The following MORC1 variants were observed in gnomAD, a reference collection of about 807,000 sequenced individuals.
MORC1 encodes the protein MORC family CW-type zinc finger 1, also known as MORC family CW-type zinc finger protein 1.
In MORC1, 59 loss-of-function variants were observed where a neutral mutation model predicts 134.9. That is an observed-to-expected ratio of 0.44 (90% CI 0.35 to 0.54). The LOEUF (loss-of-function observed/expected upper bound fraction) is 0.54. Among genes scored for constraint, MORC1 ranks in the 20% least tolerant of loss-of-function variants. The pLI, the probability that MORC1 is intolerant of heterozygous loss-of-function variation, is 0.00. For missense variants in MORC1, 947 were observed against 1,134.5 expected (o/e 0.83, Z 2.37); for synonymous variants, 395 against 391.7 (o/e 1.01, Z -0.10).
chr3:109,105,202 G>A (rs919067347), intron 3 of MORC1, among the ~76,000 whole-genome samples: 3 of 152,098 alleles, frequency 2.0e-5, no homozygotes, highest in Non-Finnish European at 4.4e-5. Context: ...GGCCAACATA[G>A]TGAGACCTTA....
chr3:109,040,283 G>GA (rs915878326), intron 14 of MORC1, among the ~76,000 whole-genome samples: 1 of 149,298 alleles, frequency 6.7e-6, no homozygotes, highest in African/African-American at 2.5e-5. Context: ...AATTGTGCCT[G>GA]AAAAACACCT....
intron 19 of MORC1, 86 bp downstream of exon 19, chr3:109,004,984 A>C: frequency 6.4e-7 from 1 of 1,570,986 alleles, no homozygotes. Flanking sequence ...AAAGTGTCTT[A>C]AAATGTGAAA....
chr3:109,048,565 G>A (rs534519966), intron 14 of MORC1, among the ~76,000 whole-genome samples: 23 of 152,090 alleles, frequency 1.5e-4, no homozygotes, highest in Non-Finnish European at 1.6e-4. Flanking sequence ...TAGGGCTGCC[G>A]TGAAAAAATA....
intron 16 of MORC1, among the ~76,000 whole-genome samples, chr3:109,030,587 A>G (rs1260099667): frequency 6.6e-6 from 1 of 152,238 alleles, no homozygotes; most frequent in African/African-American, 2.4e-5. Context: ...GGTTAATATC[A>G]TGTCAGTATA....
At chr3:108,979,789 G>A in intron 23 of MORC1, 122 bp from the exon 24 acceptor site, 2 of 971,558 alleles carry the variant, frequency 2.1e-6, no homozygotes, top group Non-Finnish European at 2.9e-6. Context: ...TGCGTGTAAT[G>A]CCGAAAACTG....
At chr3:109,091,446 A>AAAATAAATAAAT (rs56865589) in intron 8 of MORC1, among the ~76,000 whole-genome samples, 4 of 146,942 alleles carry the variant, frequency 2.7e-5, no homozygotes, top group African/African-American at 1.0e-4. Flanking sequence ...TCCATCTAAA[A>AAAATAAATAAAT]AAATAAATAA....
intron 8 of MORC1, 93 bp downstream of exon 8, chr3:109,093,343 A>T: frequency 2.2e-6 from 2 of 905,712 alleles, no homozygotes; most frequent in Non-Finnish European, 3.5e-6. Flanking sequence ...CAGTGCTAAA[A>T]CCCAGTGACC....
chr3:109,102,029 T>C (rs983464654), intron 4 of MORC1, among the ~76,000 whole-genome samples: 5 of 152,182 alleles, frequency 3.3e-5, no homozygotes, highest in Non-Finnish European at 7.3e-5. Context: ...TGGACAACAC[T>C]ATGTCATGGT....
At chr3:109,098,911 A>T (rs540897950) in intron 6 of MORC1, among the ~76,000 whole-genome samples, 1 of 152,352 alleles carries the variant, frequency 6.6e-6, no homozygotes, top group Admixed American at 6.5e-5. Flanking sequence ...GTAATTAATA[A>T]AATGCCTCTG....
chr3:109,053,214 A>G (rs113323798), intron 14 of MORC1, among the ~76,000 whole-genome samples: 30 of 152,158 alleles, frequency 2.0e-4, no homozygotes, highest in African/African-American at 6.0e-4. Flanking sequence ...CAGTCTGGAG[A>G]TTTCTTTAAA....
chr3:109,068,319 T>C (rs1233955499), intron 9 of MORC1, among the ~76,000 whole-genome samples: 2 of 152,188 alleles, frequency 1.3e-5, no homozygotes, highest in Non-Finnish European at 2.9e-5. Flanking sequence ...TCAAACAGTA[T>C]ACACTGCACA....
At chr3:109,083,970 T>TA (rs141678234) in intron 8 of MORC1, among the ~76,000 whole-genome samples, 1,726 of 152,248 alleles carry the variant, frequency 0.011, 33 homozygotes, top group African/African-American at 0.038. Context: ...CCCTTTATGA[T>TA]AAAAACCCTT....
At chr3:109,110,723 T>C (rs777347743) in intron 3 of MORC1, 26 bp downstream of exon 3, 3 of 1,564,320 alleles carry the variant, frequency 1.9e-6, no homozygotes, top group Non-Finnish European at 2.6e-6. Flanking sequence ...TAGAAGAAAA[T>C]AAAAGAAGAA....
At chr3:109,012,863 CTCT>C (rs1161497614) in intron 17 of MORC1, among the ~76,000 whole-genome samples, 6 of 152,052 alleles carry the variant, frequency 3.9e-5, no homozygotes, top group Non-Finnish European at 7.4e-5. Flanking sequence ...AAACTTTTAC[CTCT>C]TCTTCTGTAA....
chr3:109,084,878 C>A (rs4425265), intron 8 of MORC1, among the ~76,000 whole-genome samples: 39 of 152,026 alleles, frequency 2.6e-4, no homozygotes, highest in African/African-American at 8.7e-4. Flanking sequence ...ACAAAGCCAT[C>A]AAAAATGTGC....
intron 27 of MORC1, among the ~76,000 whole-genome samples, chr3:108,960,022 C>T (rs1023689121): frequency 1.3e-5 from 2 of 152,074 alleles, no homozygotes; most frequent in East Asian, 1.9e-4. Context: ...ACTGAGGGGG[C>T]TATAGGACTA....
intron 27 of MORC1, among the ~76,000 whole-genome samples, chr3:108,959,388 T>C (rs1947020557): frequency 6.6e-6 from 1 of 152,214 alleles, no homozygotes; most frequent in Admixed American, 6.5e-5. Context: ...ACTTGCTATA[T>C]TCCTAAAGCC....
At chr3:108,988,749 A>G (rs1346054098) in intron 21 of MORC1, among the ~76,000 whole-genome samples, 1 of 152,182 alleles carries the variant, frequency 6.6e-6, no homozygotes, top group Non-Finnish European at 1.5e-5. Context: ...AAACAAGATG[A>G]AAGTATCCAA....
In MORC1 at chr3:109,087,863, T is replaced by G. The variant is rs571907362; in HGVS notation, c.689+5573A>C. ...TACAGTAACCAAAACAGCATGGTACTGGTACAAAAACAGACACATAGATCA... is the reference window on the plus strand; with the variant it reads ...TACAGTAACCAAAACAGCATGGTACGGGTACAAAAACAGACACATAGATCA... On this transcript the variant is annotated intron_variant, in intron 8 of 27. Transcript: ENST00000232603. Among the ~76,000 whole-genome samples, 7 of 152,198 alleles carry G rather than the reference T, an allele frequency of 4.6e-5. No individual in the cohort carries two copies. In the South Asian group the frequency reaches 1.5e-3, roughly 32 times the overall value.
Sources: allele counts gnomAD v4.1 joint callset (sites outside exome capture counted in the v4.1 genomes callset), GRCh38; gene constraint gnomAD v4.1.1; transcripts MANE v1.5; gene names NCBI Gene and HGNC (gene_info 2026-07-23, HGNC 2026-07-21).